BBS1: variants seen among roughly 807,000 people sequenced by gnomAD.
The protein encoded by BBS1 is Bardet-Biedl syndrome 1.
BBS1 carries 60 observed loss-of-function variants against 73.9 expected under a neutral mutation model. The ratio of observed to expected loss-of-function variants is 0.81; its 90% confidence interval spans 0.66 to 1.01. The LOEUF is 1.01. Ranked by LOEUF, BBS1 falls within the 50% of genes least tolerant of loss-of-function variation. BBS1 has a pLI of 0.00. For synonymous variants in BBS1, 283 were observed against 317.4 expected (o/e 0.89, Z 1.15); for missense variants, 718 against 770.3 (o/e 0.93, Z 0.80).
At chr11:66,528,623 T>C (rs1565288900) in intron 13 of BBS1, among the ~76,000 whole-genome samples, 1 of 152,084 alleles carries the variant, frequency 6.6e-6, no homozygotes, top group East Asian at 1.9e-4. Context: ...CAGGGAGATG[T>C]GAGACTGTCC....
At chr11:66,531,799 AG>A (rs757107140) in intron 16 of BBS1, 57 bp downstream of exon 16, 4 of 1,600,290 alleles carry the variant, frequency 2.5e-6, no homozygotes, top group Non-Finnish European at 8.5e-7. Flanking sequence ...GAGGACAGTA[AG>A]GGTGAGTGCC....
At chr11:66,524,422 A>G (rs1025110933) in intron 11 of BBS1, 2 of 204,172 alleles carry the variant, frequency 9.8e-6, no homozygotes, top group Non-Finnish European at 1.0e-5. Context: ...AGCAAATTTA[A>G]AAGGGCCGAC....
chr11:66,515,585 C>T lies in BBS1; in HGVS notation c.478C>T (p.Arg160Trp), dbSNP rs199633103. Residue 160 changes from arginine (R) to tryptophan (W), a missense_variant and splice_region_variant, in exon 5 of 17, where the codon CGG becomes TGG. Coordinates refer to ENST00000318312, the MANE Select transcript of BBS1 (RefSeq NM_024649.5). ...LTLKEMLESI[R>W]ETAEEPLSIQ... ...CCTGAAGGAGATGCTGGAGAGCATC[C>T]GGTGAGAGGCTGCCTTCCCCTTCAT... 1.1e-4 allele frequency: 173 copies of T among 1,614,022 alleles called. No homozygotes were observed. Among genetic ancestry groups the T allele is most frequent in the Non-Finnish European group, 1.3e-4 (158 of 1,180,038 alleles).
At chr11:66,514,752 T>C in intron 4 of BBS1, 74 bp downstream of exon 4, 2 of 1,569,042 alleles carry the variant, frequency 1.3e-6, no homozygotes, top group Non-Finnish European at 1.7e-6. Context: ...GCTGGGCTCC[T>C]GGGAAGAACG....
In BBS1 at chr11:66,515,841, C is replaced by G. The variant is rs539484942; in HGVS notation, c.519-20C>G. ...GCAGCGAGGCCGGGGCCTGCAGATG[C>G]CAGTTCTCTGTGTGTCTAGGTTTCT... is the stretch of plus-strand genomic sequence containing the variant. On this transcript the variant is annotated intron_variant, in intron 6 of 16. Coordinates refer to ENST00000318312, the MANE Select transcript of BBS1 (RefSeq NM_024649.5). The G allele has an allele frequency of 5.6e-6, 9 of 1,614,182 alleles. No individual in the cohort carries two copies. The highest frequency in any genetic ancestry group is 5.5e-5 in the South Asian group (5 of 91,086).
At chr11:66,529,195 G>T in intron 13 of BBS1, 1 of 1,469,596 alleles carries the variant, frequency 6.8e-7, no homozygotes, top group Non-Finnish European at 9.0e-7. Context: ...GTGGGGTGGG[G>T]GCGGGGTGGG....
intron 13 of BBS1, 41 bp from the exon 14 acceptor site, chr11:66,529,778 C>G (rs1439364517): frequency 6.2e-7 from 1 of 1,607,220 alleles, no homozygotes; most frequent in Non-Finnish European, 8.5e-7. Flanking sequence ...TCCCTGCCAC[C>G]CCCCACCTCC....
chr11:66,511,184 T>G, intron 2 of BBS1, 21 bp from the exon 3 acceptor site: 1 of 1,614,072 alleles, frequency 6.2e-7, no homozygotes, highest in African/African-American at 1.3e-5. Context: ...AGACTCTGGT[T>G]TTGGCCCTTT....
At chr11:66,527,528 G>T in intron 13 of BBS1, 1 of 175,400 alleles carries the variant, frequency 5.7e-6, no homozygotes, top group Non-Finnish European at 1.2e-5. Flanking sequence ...CATTAGCCAG[G>T]CGTGTTGGCA....
At chr11:66,529,378 G>C in intron 13 of BBS1, 1 of 1,429,356 alleles carries the variant, frequency 7.0e-7, no homozygotes, top group East Asian at 2.5e-5. Flanking sequence ...AGATGAGCAG[G>C]AGGCAGGCGA....
chr11:66,523,115 C>G (rs1391701396), intron 9 of BBS1: 3 of 484,690 alleles, frequency 6.2e-6, no homozygotes, highest in Non-Finnish European at 1.2e-5. Context: ...CCTAAGTCCA[C>G]TTGTCCTGGC....
In BBS1 at chr11:66,531,092, C is replaced by T. The variant is rs1203064888; in HGVS notation, c.1608+64C>T. 6 of 1,596,348 alleles carry T rather than the reference C, an allele frequency of 3.8e-6. No homozygotes were observed. In the African/African-American group the frequency reaches 6.7e-5, roughly 18 times the overall value. ...GCCAGGGCAGGGGCCTGATGAGATG[C>T]CCACAGAGCCCCGCCAGGTCAGGGT... is the stretch of plus-strand genomic sequence containing the variant. On this transcript the variant is annotated intron_variant, in intron 15 of 16. Transcript: ENST00000318312.
intron 14 of BBS1, 40 bp from the exon 15 acceptor site, chr11:66,530,854 G>T: frequency 6.2e-7 from 1 of 1,614,170 alleles, no homozygotes; most frequent in South Asian, 1.1e-5. Flanking sequence ...GCCCAAGGCT[G>T]CCAGGTCCTA....
intron 5 of BBS1, 32 bp downstream of exon 5, chr11:66,515,618 T>C (rs1477576360): frequency 6.2e-7 from 1 of 1,613,996 alleles, no homozygotes. Context: ...CATACCCCCC[T>C]CACTCCTTCA....
At chr11:66,511,296 A>C in intron 3 of BBS1, 57 bp downstream of exon 3, 1 of 1,591,366 alleles carries the variant, frequency 6.3e-7, no homozygotes, top group Admixed American at 1.7e-5. Context: ...CCCAGAAATG[A>C]GATTTCCTGA....
intron 13 of BBS1, chr11:66,529,010 C>T (rs1226050472): frequency 1.6e-5 from 7 of 448,108 alleles, no homozygotes; most frequent in Non-Finnish European, 2.0e-5. Flanking sequence ...CAGACCTTTT[C>T]TTCATACCAG....
chr11:66,512,655 G>A (rs775613418), intron 3 of BBS1, among the ~76,000 whole-genome samples: 19 of 152,262 alleles, frequency 1.2e-4, no homozygotes, highest in African/African-American at 2.2e-4. Flanking sequence ...TGAGGGAAGA[G>A]AAACCACAGA....
intron 13 of BBS1, among the ~76,000 whole-genome samples, chr11:66,528,831 G>T (rs1856628796): frequency 6.6e-6 from 1 of 151,958 alleles, no homozygotes; most frequent in South Asian, 2.1e-4. Flanking sequence ...AGCCAGGCTT[G>T]GCGGCGCGTG....
intron 4 of BBS1, 141 bp downstream of exon 4, chr11:66,514,819 CTTTTT>C: frequency 1.4e-6 from 1 of 722,106 alleles, no homozygotes; most frequent in Non-Finnish European, 2.2e-6. Context: ...AGTGATGGCA[CTTTTT>C]TTTTTTTTGA....
Sources: allele counts gnomAD v4.1 joint callset (sites outside exome capture counted in the v4.1 genomes callset), GRCh38; gene constraint gnomAD v4.1.1; transcripts MANE v1.5; gene names NCBI Gene and HGNC (gene_info 2026-07-23, HGNC 2026-07-21).